ANKS1B: variants seen among roughly 807,000 people sequenced by gnomAD.
The protein encoded by ANKS1B is ankyrin repeat and sterile alpha motif domain containing 1B, also known as ankyrin repeat and sterile alpha motif domain-containing protein 1B.
In ANKS1B, 36 loss-of-function variants were observed where a neutral mutation model predicts 148.3. The observed-to-expected ratio is 0.24, with a 90% CI of 0.19 to 0.32. The LOEUF (loss-of-function observed/expected upper bound fraction) is 0.32, where lower values mean the gene tolerates loss of function less well. Ranked by LOEUF, ANKS1B falls within the 10% of genes least tolerant of loss-of-function variation. The pLI is 1.00. For synonymous variants in ANKS1B, 542 were observed against 560.8 expected (o/e 0.97, Z 0.47); for missense variants, 1,157 against 1,542.6 (o/e 0.75, Z 4.19).
chr12:99,356,501 C>T (rs1004071550), intron 12 of ANKS1B, among the ~76,000 whole-genome samples: 3 of 152,122 alleles, frequency 2.0e-5, no homozygotes, highest in Admixed American at 6.6e-5. Flanking sequence ...TTCCTTCCTC[C>T]TGTGCTTCAA....
chr12:99,308,176 A>C (rs1263279028), intron 12 of ANKS1B, among the ~76,000 whole-genome samples: 1 of 152,118 alleles, frequency 6.6e-6, no homozygotes, highest in Non-Finnish European at 1.5e-5. Flanking sequence ...AATTATAGAG[A>C]ACAAGAATCA....
chr12:98,911,855 T>C (rs1567737702), intron 17 of ANKS1B, among the ~76,000 whole-genome samples: 1 of 152,196 alleles, frequency 6.6e-6, no homozygotes, highest in East Asian at 1.9e-4. Flanking sequence ...AATCATGACC[T>C]TATCTACTTC....
At chr12:98,859,341 C>A (rs767582286) in intron 17 of ANKS1B, among the ~76,000 whole-genome samples, 1 of 152,142 alleles carries the variant, frequency 6.6e-6, no homozygotes, top group African/African-American at 2.4e-5. Context: ...ATTTTTCAGG[C>A]CTTTATAAAA....
At chr12:99,461,412 T>C (rs1390372504) in intron 10 of ANKS1B, among the ~76,000 whole-genome samples, 6 of 151,418 alleles carry the variant, frequency 4.0e-5, no homozygotes, top group Non-Finnish European at 8.8e-5. Flanking sequence ...AACTGTTTCC[T>C]AAAAACCTAT....
intron 12 of ANKS1B, among the ~76,000 whole-genome samples, chr12:99,371,787 T>C (rs994499043): frequency 6.6e-4 from 100 of 152,100 alleles, no homozygotes; most frequent in African/African-American, 2.1e-3. Flanking sequence ...GTGAAAAATA[T>C]TTTCTTTCCA....
chr12:99,345,489 G>C (rs1342712104), intron 12 of ANKS1B, among the ~76,000 whole-genome samples: 3 of 152,002 alleles, frequency 2.0e-5, no homozygotes, highest in Non-Finnish European at 4.4e-5. Flanking sequence ...AAAGAGAACA[G>C]AAGAATATAA....
chr12:98,938,476 A>G (rs1468205783), intron 17 of ANKS1B, among the ~76,000 whole-genome samples: 1 of 152,238 alleles, frequency 6.6e-6, no homozygotes, highest in Non-Finnish European at 1.5e-5. Flanking sequence ...AAAGCTCCCC[A>G]GATGATTTTC....
chr12:98,843,846 TC>T (rs1405053187), intron 17 of ANKS1B, among the ~76,000 whole-genome samples: 1 of 152,176 alleles, frequency 6.6e-6, no homozygotes, highest in African/African-American at 2.4e-5. Context: ...TTTGTACTGA[TC>T]TAAATGAAAC....
At chr12:99,226,025 C>CGAAA (rs758848072) in intron 14 of ANKS1B, among the ~76,000 whole-genome samples, 45,058 of 151,856 alleles carry the variant, frequency 0.3, 8,092 homozygotes, top group East Asian at 0.52. Flanking sequence ...ACTACCGTTT[C>CGAAA]AATGGATTTT....
At chr12:98,855,425 T>C (rs2153789833) in intron 17 of ANKS1B, among the ~76,000 whole-genome samples, 1 of 152,300 alleles carries the variant, frequency 6.6e-6, no homozygotes, top group East Asian at 1.9e-4. Flanking sequence ...CCACATGTCA[T>C]TTATTGCTGC....
At chr12:99,499,636 C>A (rs571236443) in intron 10 of ANKS1B, among the ~76,000 whole-genome samples, 1 of 152,020 alleles carries the variant, frequency 6.6e-6, no homozygotes, top group Non-Finnish European at 1.5e-5. Context: ...ACACAGACCA[C>A]GAGAAAGTCC....
At chr12:98,979,743 G>A (rs1250371819) in intron 17 of ANKS1B, among the ~76,000 whole-genome samples, 2 of 151,858 alleles carry the variant, frequency 1.3e-5, no homozygotes, top group African/African-American at 2.4e-5. Context: ...GTGTGTATGT[G>A]TGTGCGTGCG....
chr12:98,778,154 T>C (rs1315759737), intron 24 of ANKS1B, among the ~76,000 whole-genome samples: 1 of 152,110 alleles, frequency 6.6e-6, no homozygotes, highest in Non-Finnish European at 1.5e-5. Flanking sequence ...AGAGTACTGT[T>C]GAAGAATAAA....
intron 4 of ANKS1B, among the ~76,000 whole-genome samples, chr12:99,789,603 A>T (rs1029557748): frequency 2.0e-5 from 3 of 152,250 alleles, no homozygotes; most frequent in Non-Finnish European, 2.9e-5. Context: ...AATTTAACAA[A>T]GAGATTGAAA....
chr12:99,379,809 A>G (rs1369421084), intron 12 of ANKS1B, among the ~76,000 whole-genome samples: 2 of 152,320 alleles, frequency 1.3e-5, no homozygotes, highest in African/African-American at 4.8e-5. Flanking sequence ...ATGCTAAGAC[A>G]TTTTCCTAGC....
chr12:99,527,044 G>T (rs1296211245), intron 9 of ANKS1B, among the ~76,000 whole-genome samples: 1 of 152,082 alleles, frequency 6.6e-6, no homozygotes, highest in Admixed American at 6.5e-5. Flanking sequence ...AAACCAACAG[G>T]AATGGAACAA....
chr12:99,138,543 G>A (rs1037849450), intron 15 of ANKS1B, among the ~76,000 whole-genome samples: 1 of 152,186 alleles, frequency 6.6e-6, no homozygotes, highest in Non-Finnish European at 1.5e-5. Flanking sequence ...TGATGTGCAC[G>A]TGTGTGCTGT....
chr12:99,175,268 C>T (rs937334831), intron 14 of ANKS1B, among the ~76,000 whole-genome samples: 1 of 152,082 alleles, frequency 6.6e-6, no homozygotes, highest in Non-Finnish European at 1.5e-5. Flanking sequence ...CAGATTCTAC[C>T]GTGGTTGTGT....
intron 17 of ANKS1B, among the ~76,000 whole-genome samples, chr12:99,000,361 C>T (rs1430447610): frequency 6.6e-6 from 1 of 150,624 alleles, no homozygotes; most frequent in Non-Finnish European, 1.5e-5. Flanking sequence ...CCTCTCCCTC[C>T]GGGTTCAAGC....
Sources: gnomAD v4.1 joint callset for allele counts (sites outside exome capture counted in the v4.1 genomes callset) on GRCh38, gnomAD v4.1.1 for gene constraint, MANE v1.5 for transcripts, NCBI Gene and HGNC (gene_info 2026-07-23, HGNC 2026-07-21) for gene names.